BRWD1: variants seen among roughly 807,000 people sequenced by gnomAD.
BRWD1 encodes the protein bromodomain and WD repeat domain containing 1, also known as bromodomain and WD repeat-containing protein 1.
BRWD1 carries 82 observed loss-of-function variants against 251.2 expected under a neutral mutation model. The ratio of observed to expected loss-of-function variants is 0.33; its 90% CI spans 0.27 to 0.39. BRWD1 has a LOEUF of 0.39. Ranked by LOEUF, BRWD1 falls within the 10% of genes least tolerant of loss-of-function variation. The pLI is 1.00. For missense variants in BRWD1, 2,233 were observed against 2,711.6 expected (o/e 0.82, Z 3.92); for synonymous variants, 918 against 902.8 (o/e 1.02, Z -0.30).
chr21:39,297,034 T>C, intron 5 of BRWD1: 5 of 985,382 alleles, frequency 5.1e-6, no homozygotes, highest in Non-Finnish European at 6.0e-6. Flanking sequence ...CAGAAAATCC[T>C]CTACTGAAGA....
chr21:39,313,625 C>G lies in BRWD1; in HGVS notation c.-134G>C. 1.5e-6 allele frequency: 1 copy of G among 673,380 alleles called. No individual in the cohort carries two copies. The highest frequency in any genetic ancestry group is 4.0e-5 in the East Asian group (1 of 25,110). The allele number at this position is 673,380 out of a possible 1,614,324, so 41.7% of individuals were successfully genotyped here. A position where few individuals can be genotyped will look rare whatever the true frequency, so the allele number is the denominator to read the frequency against. On this transcript the variant is annotated 5_prime_UTR_variant, in exon 1 of 41. Coordinates refer to ENST00000342449, the MANE Select transcript of BRWD1 (RefSeq NM_033656.4). ...GCCGCCGCCGCCGCCATACCGTGCG[C>G]GCCGCCTGGACCGACGCCTCCGCGG...
chr21:39,255,566 G>T, intron 19 of BRWD1, 79 bp downstream of exon 19: 1 of 1,164,682 alleles, frequency 8.6e-7, no homozygotes, highest in Non-Finnish European at 1.2e-6. Flanking sequence ...CACAATTAAT[G>T]GAATACAGAA....
intron 4 of BRWD1, among the ~76,000 whole-genome samples, chr21:39,308,265 G>C (rs538278398): frequency 1.0e-3 from 154 of 152,032 alleles, no homozygotes; most frequent in Non-Finnish European, 1.7e-3. Flanking sequence ...GTGGATCACT[G>C]AAGGTCAGGA....
In BRWD1 at chr21:39,282,520, C is replaced by G. The variant is rs186972111; in HGVS notation, c.832-2272G>C. On this transcript the variant is annotated intron_variant, in intron 8 of 40. Coordinates refer to ENST00000342449, the MANE Select transcript of BRWD1 (RefSeq NM_033656.4). ...TTTTTGTTAATTAAAATTGAAGATT[C>G]TTTTATTCCTTTGCTTTCTTAATAA... 1.9e-3 allele frequency among the ~76,000 whole-genome samples: 290 copies of G among 152,150 alleles called. 3 individuals are homozygous for G. The highest frequency in any genetic ancestry group is 2.9e-3 in the Admixed American group (44 of 15,290).
At chr21:39,274,217 C>A (rs888458482) in intron 13 of BRWD1, among the ~76,000 whole-genome samples, 157 bp downstream of exon 13, 1 of 152,100 alleles carries the variant, frequency 6.6e-6, no homozygotes, top group Non-Finnish European at 1.5e-5. Context: ...ATATGCAGTA[C>A]GCAGCTATTC....
At position 39,210,025 on chromosome 21, in the gene BRWD1, T is replaced by A. The variant is rs373197993; in HGVS notation, c.4167A>T (p.Ala1389=). Residue 1389 remains alanine, a synonymous_variant, in exon 36 of 41, where the codon GCA becomes GCT. Coordinates refer to ENST00000342449, the MANE Select transcript of BRWD1 (RefSeq NM_033656.4). ...ATCTTTTGTTTGGTGTATACGCTTT[T>A]GCATTGCTAAATATCAGCCGGATGT... ...CKDIRLIFSN[A]KAYTPNKRSK... 6.8e-6 allele frequency: 11 copies of A among 1,613,616 alleles called. No individual in the cohort carries two copies. The highest frequency in any genetic ancestry group is 9.3e-6 in the Non-Finnish European group (11 of 1,179,796).
At chr21:39,218,114 T>G (rs776706161) in intron 31 of BRWD1, 38 bp downstream of exon 31, 6 of 1,565,610 alleles carry the variant, frequency 3.8e-6, no homozygotes, top group Non-Finnish European at 5.2e-6. Flanking sequence ...TTGCCAAATA[T>G]AGCTTTTTAA....
At chr21:39,219,673 A>G (rs1469206819) in intron 29 of BRWD1, 1 of 152,220 alleles carries the variant, frequency 6.6e-6, no homozygotes, top group Non-Finnish European at 1.5e-5. Context: ...CTGCAAACAT[A>G]CACACAAGTT....
downstream of BRWD1, chr21:39,184,828 A>G (rs1278437027): frequency 3.3e-5 from 5 of 152,172 alleles, no homozygotes; most frequent in Admixed American, 3.3e-4. Context: ...TGATGTTTTA[A>G]AACATTAGGA....
chr21:39,304,416 G>GC (rs2036219378), intron 4 of BRWD1, among the ~76,000 whole-genome samples: 1 of 151,560 alleles, frequency 6.6e-6, no homozygotes, highest in African/African-American at 2.4e-5. Flanking sequence ...TTCAAGATGA[G>GC]CCTAGGCCAT....
chr21:39,274,302 A>C (rs3833352), intron 13 of BRWD1, 72 bp downstream of exon 13: 10,654 of 1,018,220 alleles, frequency 0.01, no homozygotes, highest in Admixed American at 0.014. Flanking sequence ...AGACACAGAG[A>C]GCGAGAGAGA....
chr21:39,277,749 G>A (rs781245616), intron 10 of BRWD1, among the ~76,000 whole-genome samples: 1 of 152,036 alleles, frequency 6.6e-6, no homozygotes, highest in Admixed American at 6.6e-5. Context: ...ATTTTTAGTA[G>A]AGATGGGGGT....
chr21:39,313,128 G>C, intron 2 of BRWD1, 27 bp from the exon 3 acceptor site: 2 of 1,497,884 alleles, frequency 1.3e-6, no homozygotes, highest in South Asian at 1.3e-5. Flanking sequence ...CGCGGTCAGG[G>C]GTGGGGTCGG....
Position 39,199,577 on chromosome 21 carries a change from C to T in BRWD1, c.4839G>A (p.Glu1613=). 2.5e-6 allele frequency: 4 copies of T among 1,614,168 alleles called. No homozygotes were observed. The highest frequency in any genetic ancestry group is 3.4e-6 in the Non-Finnish European group (4 of 1,180,032). ...YLSDSDNNSL[E]TGEILKARAG... ...CTCTGGCTTTTAGAATTTCACCAGT[C>T]TCCAATGAATTGTTATCAGAATCAC... Residue 1613 remains glutamate, a synonymous_variant, in exon 40 of 41, where the codon GAG becomes GAA. Coordinates refer to ENST00000342449, the MANE Select transcript of BRWD1 (RefSeq NM_033656.4).
chr21:39,312,944 C>CGGGGGG, intron 3 of BRWD1, 44 bp from the exon 4 acceptor site: 2 of 622,826 alleles, frequency 3.2e-6, no homozygotes, highest in Non-Finnish European at 3.7e-6. Context: ...CCCTCCGGCG[C>CGGGGGG]GGGGGGGGCG....
intron 13 of BRWD1, among the ~76,000 whole-genome samples, chr21:39,271,938 C>T (rs2035120813): frequency 7.0e-6 from 1 of 142,452 alleles, no homozygotes; most frequent in Admixed American, 7.4e-5. Context: ...ACTTGGGAGG[C>T]TGAGGAAGGA....
chr21:39,297,481 AG>A, intron 5 of BRWD1: 3 of 882,568 alleles, frequency 3.4e-6, no homozygotes, highest in Non-Finnish European at 4.1e-6. Flanking sequence ...ACACAAGTAA[AG>A]AAAACAAAGG....
chr21:39,224,288 A>G, intron 29 of BRWD1, 120 bp downstream of exon 29: 1 of 528,380 alleles, frequency 1.9e-6, no homozygotes. Flanking sequence ...AGTAAAGTTC[A>G]GTTACTGTAA....
At position 39,192,738 on chromosome 21, in the gene BRWD1, C is replaced by A. The variant is rs529332767; in HGVS notation, c.*3521G>T. ...TTAAAAGTTACTCAAAAAATTGATACAATGGAGTGGAAAGGAAAACAAAAA... is the reference window on the plus strand; with the variant it reads ...TTAAAAGTTACTCAAAAAATTGATAAAATGGAGTGGAAAGGAAAACAAAAA... On this transcript the variant is annotated 3_prime_UTR_variant, in exon 41 of 41. Coordinates refer to ENST00000342449, the MANE Select transcript of BRWD1 (RefSeq NM_033656.4). 2.0e-6 allele frequency: 2 copies of A among 984,952 alleles called. No individual in the cohort carries two copies. The highest frequency in any genetic ancestry group is 1.1e-4 in the East Asian group (1 of 8,818). The allele number at this position is 984,952 out of a possible 1,614,324, so 61.0% of individuals were successfully genotyped here. A position where few individuals can be genotyped will look rare whatever the true frequency, so the allele number is the denominator to read the frequency against.
Sources: gnomAD v4.1 joint callset for allele counts (sites outside exome capture counted in the v4.1 genomes callset) on GRCh38, gnomAD v4.1.1 for gene constraint, MANE v1.5 for transcripts, NCBI Gene and HGNC (gene_info 2026-07-23, HGNC 2026-07-21) for gene names.